Variants in MON1A observed in about 807,000 individuals in gnomAD.
The protein encoded by MON1A is vacuolar fusion protein MON1 homolog A.
MON1A carries 29 observed loss-of-function variants against 44.6 expected under a neutral mutation model. The observed-to-expected ratio is 0.65, with a 90% confidence interval of 0.48 to 0.89. The LOEUF (loss-of-function observed/expected upper bound fraction) is 0.89. MON1A is among the 40% of genes least tolerant of loss of function. The probability of loss-of-function intolerance (pLI) is 0.00; values close to 1 mark genes in which losing one functional copy is unlikely to be tolerated. For synonymous variants in MON1A, 275 were observed against 316.4 expected (o/e 0.87, Z 1.39); for missense variants, 615 against 759.6 (o/e 0.81, Z 2.24).
Position 49,909,494 on chromosome 3 carries a change from T to C in MON1A, c.1380-94A>G. The C allele has an allele frequency of 6.6e-7, 1 of 1,516,136 alleles. No individual in the cohort carries two copies. Among genetic ancestry groups the C allele is most frequent in the Non-Finnish European group, 9.0e-7 (1 of 1,115,656 alleles). The allele number at this position is 1,516,136 out of a possible 1,614,324, so 93.9% of individuals were successfully genotyped here. A position where few individuals can be genotyped will look rare whatever the true frequency, so the allele number is the denominator to read the frequency against. On this transcript the variant is annotated intron_variant, in intron 4 of 5. Transcript: ENST00000296473. The surrounding 1 kb of genome is among the most constrained non-coding windows in gnomAD (Gnocchi z 4.0). ...AACACCTATTCCTATCCAGGAAGAC[T>C]CTATCTTATGTCCTACCCTCCAGGT...
rs1484042431 is a variant in MON1A, at chr3:49,929,753, C to T, written c.-158G>A. The T allele has an allele frequency of 9.0e-6, 14 of 1,549,758 alleles. No homozygotes were observed. Among genetic ancestry groups the T allele is most frequent in the Non-Finnish European group, 1.2e-5 (14 of 1,146,716 alleles). Reference sequence around the variant, plus strand: ...CGGCCCCCTGCGTACACAGACATGGCCACAGCGCAGGCACCGCTCCCTCCC... The same window carrying T: ...CGGCCCCCTGCGTACACAGACATGGTCACAGCGCAGGCACCGCTCCCTCCC... On this transcript the variant is annotated 5_prime_UTR_variant, in exon 1 of 6. Coordinates refer to ENST00000296473, the MANE Select transcript of MON1A (RefSeq NM_032355.4).
At position 49,910,752 on chromosome 3, in the gene MON1A, C is replaced by G; in HGVS notation, c.746G>C (p.Gly249Ala). Residue 249 changes from glycine to alanine, a missense_variant, in exon 4 of 6, where the codon GGT (glycine) becomes GCT (alanine). Physicochemically the swap from Gly to Ala is moderately conservative, Grantham distance 60. Coordinates refer to ENST00000296473, the MANE Select transcript of MON1A (RefSeq NM_032355.4). This position sits in a 1 kb window ranked among gnomAD's most constrained non-coding sequence, Gnocchi z 8.0. Reference sequence around the variant, plus strand: ...CTGGAAGATGTGGCTCAGCTGCGCACCGGTAAGAAGGCTTAGGATCTGGTA... The same window carrying G: ...CTGGAAGATGTGGCTCAGCTGCGCAGCGGTAAGAAGGCTTAGGATCTGGTA... Reference protein sequence around the residue: ...IYYQILSLLTGAQLSHIFQQK... With the variant: ...IYYQILSLLTAAQLSHIFQQK... 1 of 1,614,136 alleles carries G rather than the reference C, an allele frequency of 6.2e-7. No individual in the cohort carries two copies. The highest frequency in any genetic ancestry group is 8.5e-7 in the Non-Finnish European group (1 of 1,180,014).
intron 1 of MON1A, among the ~76,000 whole-genome samples, chr3:49,915,422 G>C (rs745488907): frequency 3.9e-5 from 6 of 152,148 alleles, no homozygotes; most frequent in Admixed American, 6.5e-5. Context: ...CCAGCTACTA[G>C]AGAGACTAAC....
rs557618664 is a variant in MON1A, at chr3:49,929,355, G to C, written c.-14+254C>G. ...GTTGGCGGGGCGGGGGTGGGGGAGT[G>C]GGGAGAGTCCTACCTGGCCACTGCC... On this transcript the variant is annotated intron_variant, in intron 1 of 5. Coordinates refer to ENST00000296473, the MANE Select transcript of MON1A (RefSeq NM_032355.4). The C allele has an allele frequency of 3.0e-5, 17 of 562,678 alleles. No homozygotes were observed. The Admixed American group carries it at 5.0e-4, about 17-fold the overall frequency. 34.9% of individuals were successfully genotyped at this position (562,678 alleles called of 1,614,324 possible).
intron 1 of MON1A, 156 bp downstream of exon 1, chr3:49,929,453 C>T (rs1351497884): frequency 4.2e-5 from 36 of 863,640 alleles, no homozygotes; most frequent in Non-Finnish European, 6.3e-5. Flanking sequence ...CAGCTGGGGA[C>T]TAGCCGGCTG....
intron 1 of MON1A, among the ~76,000 whole-genome samples, chr3:49,925,736 C>CTCAA (rs995789028): frequency 6.6e-6 from 1 of 152,158 alleles, no homozygotes; most frequent in South Asian, 2.1e-4. Flanking sequence ...AAGACCCTGT[C>CTCAA]TCAATCAATC....
In MON1A at chr3:49,911,022, A is replaced by C; in HGVS notation, c.614-138T>G. 1.1e-6 allele frequency: 1 copy of C among 878,320 alleles called. No individual in the cohort carries two copies. The highest frequency in any genetic ancestry group is 1.7e-5 in the African/African-American group (1 of 59,226). 54.4% of individuals were successfully genotyped at this position (878,320 alleles called of 1,614,324 possible). On this transcript the variant is annotated intron_variant, in intron 3 of 5. Coordinates refer to ENST00000296473, the MANE Select transcript of MON1A (RefSeq NM_032355.4). The surrounding 1 kb of genome is among the most constrained non-coding windows in gnomAD (Gnocchi z 5.7). Reference sequence around the variant, plus strand: ...GCACAGTAGGGGTTTAAGGATGTTCAGGATAAAAACCCATTGCTCCTTCTC... The same window carrying C: ...GCACAGTAGGGGTTTAAGGATGTTCCGGATAAAAACCCATTGCTCCTTCTC...
chr3:49,923,599 G>A lies in MON1A; in HGVS notation c.-14+6010C>T, dbSNP rs187525501. On this transcript the variant is annotated intron_variant, in intron 1 of 5. Coordinates refer to ENST00000296473, the MANE Select transcript of MON1A (RefSeq NM_032355.4). ...CTCCCGAGTAGCTGGGACTACAGGCGTGTGCCACCACATTGGCTAATTTTT... is the reference window on the plus strand; with the variant it reads ...CTCCCGAGTAGCTGGGACTACAGGCATGTGCCACCACATTGGCTAATTTTT... 3.6e-3 allele frequency among the ~76,000 whole-genome samples: 544 copies of A among 150,836 alleles called. 5 individuals are homozygous for A. Among genetic ancestry groups the A allele is most frequent in the African/African-American group, 0.013 (516 of 41,204 alleles).
At chr3:49,919,194 A>G (rs148758306) in intron 1 of MON1A, among the ~76,000 whole-genome samples, 5 of 152,230 alleles carry the variant, frequency 3.3e-5, no homozygotes, top group African/African-American at 1.2e-4. Context: ...AAAAACAAAA[A>G]CCAAACAATT....
intron 1 of MON1A, chr3:49,916,879 C>G (rs1458401922): frequency 6.6e-6 from 1 of 152,314 alleles, no homozygotes; most frequent in East Asian, 1.9e-4. Context: ...GAAACTAGGG[C>G]ATGTCTAAGT....
rs142076190 is a variant in MON1A, at chr3:49,911,718, C to T, written c.421G>A (p.Glu141Lys). The stretch of plus-strand genomic sequence containing the variant: ...TCCGTGGCATCCTCCTCATCCCCCT[C>T]GGTTGTGCCCTCCCTGGGGGGCTCT... ...ATEPPREGTT[E>K]GDEEDATEAW... The change falls in exon 3 of 6, where the codon GAG becomes AAG. Residue 141 changes from glutamate (E) to lysine (K), a missense_variant. By Grantham distance (56) the Glu-to-Lys change is moderately conservative. Coordinates refer to ENST00000296473, the MANE Select transcript of MON1A (RefSeq NM_032355.4). This position sits in a 1 kb window ranked among gnomAD's most constrained non-coding sequence, Gnocchi z 5.7. 49 of 1,613,956 alleles carry T rather than the reference C, an allele frequency of 3.0e-5. No individual in the cohort carries two copies. The highest frequency in any genetic ancestry group is 2.1e-4 in the African/African-American group (16 of 75,052).
chr3:49,926,869 CCTG>C (rs2083056333), intron 1 of MON1A, among the ~76,000 whole-genome samples: 1 of 151,842 alleles, frequency 6.6e-6, no homozygotes, highest in African/African-American at 2.4e-5. Context: ...ACCTCTGCCT[CCTG>C]GGTTCAAGCA....
intron 1 of MON1A, among the ~76,000 whole-genome samples, chr3:49,918,998 A>G (rs1364294672): frequency 6.6e-6 from 1 of 152,150 alleles, no homozygotes; most frequent in African/African-American, 2.4e-5. Context: ...CTTAGGCAAC[A>G]TGGTAAAACC....
intron 1 of MON1A, among the ~76,000 whole-genome samples, chr3:49,927,996 G>A (rs570206068): frequency 6.6e-6 from 1 of 152,212 alleles, no homozygotes; most frequent in Non-Finnish European, 1.5e-5. Context: ...ACCCAAACAA[G>A]GTCTACAATA....
chr3:49,926,485 C>G (rs2083052173), intron 1 of MON1A, among the ~76,000 whole-genome samples: 1 of 152,170 alleles, frequency 6.6e-6, no homozygotes, highest in Non-Finnish European at 1.5e-5. Flanking sequence ...GAGACAGAAT[C>G]TCACTCTGTC....
rs1433373138 is a variant in MON1A, at chr3:49,929,731, C to T, written c.-136G>A. The T allele has an allele frequency of 5.2e-6, 8 of 1,549,792 alleles. No homozygotes were observed. Among genetic ancestry groups the T allele is most frequent in the Non-Finnish European group, 7.0e-6 (8 of 1,146,660 alleles). On this transcript the variant is annotated 5_prime_UTR_variant, in exon 1 of 6. Transcript: ENST00000296473. Reference sequence around the variant, plus strand: ...AGGGCACAGCTTCGCGGGGCCCCGGCCCCCTGCGTACACAGACATGGCCAC... The same window carrying T: ...AGGGCACAGCTTCGCGGGGCCCCGGTCCCCTGCGTACACAGACATGGCCAC...
At chr3:49,923,275 G>T (rs1383913077) in intron 1 of MON1A, among the ~76,000 whole-genome samples, 1 of 144,052 alleles carries the variant, frequency 6.9e-6, no homozygotes, top group Non-Finnish European at 1.5e-5. Context: ...CCGGGAGGTG[G>T]AGGTTGAGAT....
At position 49,911,602 on chromosome 3, in the gene MON1A, GGAA is replaced by G; in HGVS notation, c.534_536del (p.Ser180del). On this transcript the variant is annotated inframe_deletion, in exon 3 of 6. Transcript: ENST00000296473. The surrounding 1 kb of genome is among the most constrained non-coding windows in gnomAD (Gnocchi z 5.7). ...GGGCCACCATAACACCCATAGTGCT[GGAA>G]AGTGCCTCCTCAGACCCATAGCGGG... 4 of 1,614,170 alleles carry G rather than the reference GGAA, an allele frequency of 2.5e-6. No homozygotes were observed. Among genetic ancestry groups the G allele is most frequent in the Non-Finnish European group, 2.5e-6 (3 of 1,180,010 alleles).
chr3:49,909,306 G>A lies in MON1A; in HGVS notation c.1474C>T (p.Arg492Cys), dbSNP rs35237924. ...YLHSRAHNAS[R>C]PLKTIYYTGP... The stretch of plus-strand genomic sequence containing the variant: ...GTGTAGTAAATGGTCTTGAGTGGGC[G>A]AGAGGCATTGTGGGCACGACTGTGC... Residue 492 changes from arginine to cysteine, a missense_variant, in exon 5 of 6, where the codon CGC (arginine) becomes TGC (cysteine). By Grantham distance (180) the Arg-to-Cys change is radical. Transcript: ENST00000296473. The surrounding 1 kb of genome is among the most constrained non-coding windows in gnomAD (Gnocchi z 4.0). 1.4e-5 allele frequency: 23 copies of A among 1,613,854 alleles called. No individual in the cohort carries two copies. The highest frequency in any genetic ancestry group is 1.6e-4 in the Middle Eastern group (1 of 6,084).
Sources: allele counts gnomAD v4.1 joint callset (sites outside exome capture counted in the v4.1 genomes callset), GRCh38; gene constraint gnomAD v4.1.1; non-coding constraint Gnocchi (gnomAD v3.1); transcripts MANE v1.5; gene names NCBI Gene and HGNC (gene_info 2026-07-23, HGNC 2026-07-21).